CIMIP1: variants seen among roughly 807,000 people sequenced by gnomAD.
CIMIP1 encodes the protein low in lung cancer 1.
the CIMIP1 span, among the ~76,000 whole-genome samples, chr20:58,152,823 T>G: frequency 6.6e-6 from 1 of 152,094 alleles, no homozygotes; most frequent in Non-Finnish European, 1.5e-5. Flanking sequence ...AGCTCATGTT[T>G]GTGGCTTATG....
At chr20:58,160,595 G>C in the CIMIP1 span, 1 of 1,524,182 alleles carries the variant, frequency 6.6e-7, no homozygotes, top group African/African-American at 1.4e-5. Flanking sequence ...TGCCTCACAT[G>C]CCGATGCTGG....
chr20:58,156,522 G>C, the CIMIP1 span, among the ~76,000 whole-genome samples: 4 of 152,098 alleles, frequency 2.6e-5, no homozygotes, highest in Non-Finnish European at 4.4e-5. Flanking sequence ...AGAAGGAGTT[G>C]CAATTGGAGT....
the CIMIP1 span, chr20:58,153,430 G>A: frequency 6.5e-6 from 5 of 767,030 alleles, no homozygotes; most frequent in Admixed American, 2.1e-5. Context: ...TCCTCACTCC[G>A]TCCCTGGTGC....
the CIMIP1 span, among the ~76,000 whole-genome samples, chr20:58,151,811 ATATTT>A: frequency 6.6e-6 from 1 of 152,212 alleles, no homozygotes; most frequent in Non-Finnish European, 1.5e-5. Flanking sequence ...TTTAAGTAAT[ATATTT>A]TAACTTTAAA....
chr20:58,155,036 G>A, the CIMIP1 span, among the ~76,000 whole-genome samples: 13 of 152,310 alleles, frequency 8.5e-5, 1 homozygote, highest in Admixed American at 8.5e-4. Flanking sequence ...GAACTCCTGA[G>A]CTCAAGCAAT....
the CIMIP1 span, among the ~76,000 whole-genome samples, chr20:58,153,108 A>G: frequency 6.6e-6 from 1 of 152,186 alleles, no homozygotes; most frequent in South Asian, 2.1e-4. Flanking sequence ...GGGGCAAGTG[A>G]GGCACTTGCG....
chr20:58,157,248 T>C, the CIMIP1 span, among the ~76,000 whole-genome samples: 1 of 152,154 alleles, frequency 6.6e-6, no homozygotes, highest in African/African-American at 2.4e-5. Context: ...TGCTTTACAT[T>C]GGGTGTCTCA....
At chr20:58,151,405 T>TTTTG in the CIMIP1 span, among the ~76,000 whole-genome samples, 806 of 152,084 alleles carry the variant, frequency 5.3e-3, 5 homozygotes, top group African/African-American at 0.018. Context: ...GACTGATGAT[T>TTTTG]TTTGTTTGTT....
the CIMIP1 span, among the ~76,000 whole-genome samples, chr20:58,151,390 T>G: frequency 9.9e-5 from 15 of 152,182 alleles, no homozygotes; most frequent in African/African-American, 3.6e-4. Flanking sequence ...TGTTCATGTT[T>G]TTAAGACTGA....
At chr20:58,156,558 T>C in the CIMIP1 span, among the ~76,000 whole-genome samples, 1 of 151,648 alleles carries the variant, frequency 6.6e-6, no homozygotes, top group Non-Finnish European at 1.5e-5. Flanking sequence ...CGCTGGAGGG[T>C]TGTAAGCAGG....
At chr20:58,151,199 T>C in the CIMIP1 span, among the ~76,000 whole-genome samples, 1 of 152,112 alleles carries the variant, frequency 6.6e-6, no homozygotes, top group East Asian at 1.9e-4. Flanking sequence ...AAGGGGTCAA[T>C]GTTAGGGACA....
At chr20:58,150,940 G>T in the CIMIP1 span, 1 of 1,590,720 alleles carries the variant, frequency 6.3e-7, no homozygotes, top group Non-Finnish European at 8.6e-7. Flanking sequence ...CAGAGCTTGC[G>T]GGGCGCACAG....
chr20:58,154,113 T>C, the CIMIP1 span, among the ~76,000 whole-genome samples: 1 of 152,194 alleles, frequency 6.6e-6, no homozygotes, highest in Non-Finnish European at 1.5e-5. Context: ...AAGTGACATA[T>C]GAGGGATTCT....
the CIMIP1 span, chr20:58,155,479 TGAA>T: frequency 2.0e-5 from 32 of 1,613,776 alleles, no homozygotes; most frequent in South Asian, 2.9e-4. Flanking sequence ...TGATCAAGTG[TGAA>T]GAAGATCTCC....
At chr20:58,160,647 TATTTCC>T in the CIMIP1 span, 1 of 1,609,938 alleles carries the variant, frequency 6.2e-7, no homozygotes. Context: ...AAATCCCCTG[TATTTCC>T]ATTCCAGGTC....
At chr20:58,153,683 T>A in the CIMIP1 span, 1 of 1,246,260 alleles carries the variant, frequency 8.0e-7, no homozygotes, top group Non-Finnish European at 1.2e-6. Flanking sequence ...AAAGAATGAA[T>A]GATTACAAAG....
At chr20:58,151,045 A>T in the CIMIP1 span, 2 of 1,598,900 alleles carry the variant, frequency 1.3e-6, no homozygotes, top group East Asian at 4.5e-5. Context: ...AACGCCTGGG[A>T]TCGGGCAACG....
chr20:58,153,309 C>T, the CIMIP1 span, among the ~76,000 whole-genome samples: 4 of 152,152 alleles, frequency 2.6e-5, no homozygotes, highest in Non-Finnish European at 5.9e-5. Flanking sequence ...TGGCCCTTAC[C>T]CGGCATTCCC....
chr20:58,159,004 G>A, the CIMIP1 span, among the ~76,000 whole-genome samples: 2 of 152,158 alleles, frequency 1.3e-5, no homozygotes, highest in Non-Finnish European at 2.9e-5. Context: ...GGGCCATAGT[G>A]AATGAGCCTC....
Sources: gnomAD v4.1 joint callset for allele counts (sites outside exome capture counted in the v4.1 genomes callset) on GRCh38, gnomAD v4.1.1 for gene constraint, MANE v1.5 for transcripts, NCBI Gene and HGNC (gene_info 2026-07-23, HGNC 2026-07-21) for gene names.